ELFN2: variants seen among roughly 807,000 people sequenced by gnomAD.
ELFN2 encodes the protein protein phosphatase 1 regulatory subunit 29.
A neutral mutation model predicts 45.5 loss-of-function variants in ELFN2; 17 were observed. The observed-to-expected ratio is 0.37, with a 90% confidence interval of 0.26 to 0.56. The LOEUF (loss-of-function observed/expected upper bound fraction) is 0.56, where lower values mean the gene tolerates loss of function less well. Ranked by LOEUF, ELFN2 falls within the 20% of genes least tolerant of loss-of-function variation. ELFN2 has a pLI of 0.77. For missense variants in ELFN2, 922 were observed against 1,183.2 expected, an observed-to-expected ratio of 0.78 and a Z score of 3.24; for synonymous variants, 550 against 551.5, an observed-to-expected ratio of 1.00 and a Z score of 0.04.
At chr22:37,387,690 G>A (rs1288375763) in intron 2 of ELFN2, among the ~76,000 whole-genome samples, 26 of 152,072 alleles carry the variant, frequency 1.7e-4, no homozygotes, top group African/African-American at 6.3e-4. Context: ...CGACCTCCCA[G>A]GCCGCGGCCC....
At chr22:37,422,128 G>A (rs1438159928) in intron 1 of ELFN2, among the ~76,000 whole-genome samples, 10 of 152,094 alleles carry the variant, frequency 6.6e-5, no homozygotes, top group Non-Finnish European at 1.0e-4. Flanking sequence ...ATCCTTAGGC[G>A]CCCCCAACCC....
At position 37,375,028 on chromosome 22, in the gene ELFN2, G is replaced by A. The variant is rs1366661330; in HGVS notation, c.507C>T (p.Ala169=). ...TCAGGCTGGCGAGGCTGGCAAAGGT[G>A]GCACCGTCCAGGCGGCTGAGGCGGT... The part of the protein sequence containing the change: ...SSNRLSRLDG[A]TFASLASLMV... The change falls in exon 3 of 3, where the codon GCC becomes GCT. Residue 169 remains alanine (A), a synonymous_variant. Transcript: ENST00000402918. 8.1e-6 allele frequency: 13 copies of A among 1,613,482 alleles called. No individual in the cohort carries two copies. The highest frequency in any genetic ancestry group is 1.1e-5 in the Non-Finnish European group (13 of 1,180,010).
At chr22:37,409,834 C>T (rs1336860371) in intron 2 of ELFN2, among the ~76,000 whole-genome samples, 1 of 151,966 alleles carries the variant, frequency 6.6e-6, no homozygotes, top group Non-Finnish European at 1.5e-5. Context: ...GGGCCAGCTG[C>T]GAGGAGAATC....
At position 37,375,650 on chromosome 22, in the gene ELFN2, G is replaced by A. The variant is rs1931558680; in HGVS notation, c.-116C>T. ...GCCACCATCTTGGGGGCGACCCCCAGCACGGGGGCCCCAGGCAAGGTGGGT... is the reference window on the plus strand; with the variant it reads ...GCCACCATCTTGGGGGCGACCCCCAACACGGGGGCCCCAGGCAAGGTGGGT... On this transcript the variant is annotated 5_prime_UTR_variant, in exon 3 of 3. Coordinates refer to ENST00000402918, the MANE Select transcript of ELFN2 (RefSeq NM_052906.5). The A allele has an allele frequency of 4.6e-6, 6 of 1,313,630 alleles. No individual in the cohort carries two copies. The highest frequency in any genetic ancestry group is 6.1e-6 in the Non-Finnish European group (6 of 977,272). 81.4% of individuals were successfully genotyped at this position (1,313,630 alleles called of 1,614,324 possible).
At chr22:37,356,407 A>G (rs1930951089) in intron 1 of ELFN2, among the ~76,000 whole-genome samples, 1 of 152,178 alleles carries the variant, frequency 6.6e-6, no homozygotes, top group South Asian at 2.1e-4. Context: ...TTACCTTCCG[A>G]AAATCTGAAA....
chr22:37,411,402 G>A (rs1932646291), intron 2 of ELFN2, among the ~76,000 whole-genome samples: 1 of 75,760 alleles, frequency 1.3e-5, no homozygotes, highest in Non-Finnish European at 2.4e-5. Flanking sequence ...CCAGGATGAT[G>A]CTTGGGGGTC....
intron 1 of ELFN2, among the ~76,000 whole-genome samples, chr22:37,361,397 C>G (rs754692270): frequency 9.9e-5 from 15 of 151,826 alleles, no homozygotes; most frequent in Non-Finnish European, 1.5e-4. Flanking sequence ...CTCCCACCCC[C>G]AGGAGAAGTT....
At chr22:37,407,894 CAA>C (rs963496400) in intron 2 of ELFN2, among the ~76,000 whole-genome samples, 1 of 141,186 alleles carries the variant, frequency 7.1e-6, no homozygotes, top group Non-Finnish European at 1.6e-5. Context: ...GACTCCGTCT[CAA>C]AAAAAAAAAG....
At chr22:37,399,783 C>A (rs1472141930) in intron 2 of ELFN2, among the ~76,000 whole-genome samples, 1 of 152,182 alleles carries the variant, frequency 6.6e-6, no homozygotes, top group Non-Finnish European at 1.5e-5. Flanking sequence ...TATCCAAAAT[C>A]TTCCCAGACT....
intron 1 of ELFN2, among the ~76,000 whole-genome samples, chr22:37,344,032 C>T (rs192055368): frequency 1.0e-4 from 14 of 138,446 alleles, no homozygotes; most frequent in South Asian, 4.8e-4. Context: ...CGCCTGCCCA[C>T]GCCCACCTGC....
At chr22:37,407,186 G>A (rs1017286773) in intron 2 of ELFN2, among the ~76,000 whole-genome samples, 45 of 150,626 alleles carry the variant, frequency 3.0e-4, no homozygotes, top group African/African-American at 5.2e-4. Flanking sequence ...AAGAGGGCTC[G>A]GGACTGGGAG....
At chr22:37,421,207 G>A (rs1364490382) in intron 1 of ELFN2, among the ~76,000 whole-genome samples, 1 of 152,008 alleles carries the variant, frequency 6.6e-6, no homozygotes, top group Non-Finnish European at 1.5e-5. Context: ...ATCCACTCTG[G>A]GCTTCCCCAC....
intron 2 of ELFN2, among the ~76,000 whole-genome samples, chr22:37,405,290 G>A (rs1383294937): frequency 6.6e-6 from 1 of 151,686 alleles, no homozygotes; most frequent in East Asian, 1.9e-4. Context: ...AGGGGGTTTC[G>A]CCATGTTGGC....
At chr22:37,347,333 C>T (rs1321066015) in intron 1 of ELFN2, among the ~76,000 whole-genome samples, 1 of 152,190 alleles carries the variant, frequency 6.6e-6, no homozygotes, top group African/African-American at 2.4e-5. Context: ...TCCAAAGGTC[C>T]TTTCCAAATC....
intron 2 of ELFN2, among the ~76,000 whole-genome samples, chr22:37,403,903 T>C (rs982914466): frequency 2.0e-5 from 3 of 152,108 alleles, no homozygotes; most frequent in Non-Finnish European, 4.4e-5. Flanking sequence ...GTCTGTAAAA[T>C]GGGCAACACC....
rs1202938171 is a variant in ELFN2, at chr22:37,373,705, G to A, written c.1830C>T (p.Ser610=). 1 of 1,555,588 alleles carries A rather than the reference G, an allele frequency of 6.4e-7. No homozygotes were observed. The highest frequency in any genetic ancestry group is 2.1e-5 in the Admixed American group (1 of 48,552). ...TCAGCTGGCGCTGTAGTGGGTGGTG[G>A]GAGCTCTCCTTGTAGGGAGGCGAAA... is the stretch of plus-strand genomic sequence containing the variant. The part of the protein sequence containing the change: ...SFLSPPYKES[S]HHPLQRQLSA... Residue 610 remains serine (S), a synonymous_variant, in exon 3 of 3, where the codon TCC becomes TCT. Transcript: ENST00000402918.
chr22:37,381,790 C>T (rs1030640426), intron 2 of ELFN2, among the ~76,000 whole-genome samples: 1 of 151,746 alleles, frequency 6.6e-6, no homozygotes, highest in Non-Finnish European at 1.5e-5. Context: ...GAGCTCCAGG[C>T]TAGGGATGGT....
Position 37,374,346 on chromosome 22 carries a change from A to AGTGGGTG in ELFN2, c.1182_1188dup (p.Tyr397HisfsTer52). ...AGGCAGCCCAGGATGGTCATGATGT[A>AGTGGGTG]GTGGGTGGTGGTGGAGGTGCTGGGC... On this transcript the variant is annotated frameshift_variant, in exon 3 of 3. Coordinates refer to ENST00000402918, the MANE Select transcript of ELFN2 (RefSeq NM_052906.5). LOFTEE classifies it high-confidence loss of function. 6.2e-7 allele frequency: 1 copy of AGTGGGTG among 1,614,016 alleles called. No homozygotes were observed. Among genetic ancestry groups the AGTGGGTG allele is most frequent in the Non-Finnish European group, 8.5e-7 (1 of 1,180,016 alleles).
intron 1 of ELFN2, among the ~76,000 whole-genome samples, chr22:37,344,864 G>A (rs1191122054): frequency 6.6e-6 from 1 of 152,150 alleles, no homozygotes; most frequent in South Asian, 2.1e-4. Flanking sequence ...GCGCTGAGGG[G>A]CGAGCTCCCC....
Sources: allele counts gnomAD v4.1 joint callset (sites outside exome capture counted in the v4.1 genomes callset), GRCh38; gene constraint gnomAD v4.1.1; transcripts MANE v1.5; gene names NCBI Gene and HGNC (gene_info 2026-07-23, HGNC 2026-07-21).